Variants in NPAS3 observed in about 807,000 individuals in gnomAD.
NPAS3 encodes the protein neuronal PAS domain protein 3.
In NPAS3, 14 loss-of-function variants were observed where a neutral mutation model predicts 73.1. The ratio of observed to expected loss-of-function variants is 0.19; its 90% CI spans 0.13 to 0.30. The LOEUF (loss-of-function observed/expected upper bound fraction) is 0.30. Ranked by LOEUF, NPAS3 falls within the 10% of genes least tolerant of loss-of-function variation. The probability of loss-of-function intolerance (pLI) is 1.00; values close to 1 mark genes in which losing one functional copy is unlikely to be tolerated. For synonymous variants in NPAS3, 620 were observed against 541.5 expected (o/e 1.14, Z -2.01); for missense variants, 1,096 against 1,250.0 (o/e 0.88, Z 1.86).
intron 1 of NPAS3, among the ~76,000 whole-genome samples, chr14:33,040,198 AG>A (rs1417024108): frequency 6.6e-6 from 1 of 152,158 alleles, no homozygotes; most frequent in Non-Finnish European, 1.5e-5. Context: ...GGGAAACAGA[AG>A]TATCTTAGGA....
At chr14:33,627,563 A>G (rs1308478096) in intron 5 of NPAS3, among the ~76,000 whole-genome samples, 1 of 152,196 alleles carries the variant, frequency 6.6e-6, no homozygotes, top group Non-Finnish European at 1.5e-5. Flanking sequence ...TCTTAGAGCA[A>G]AGGCAGCCTT....
chr14:33,162,264 C>T (rs2044920794), intron 2 of NPAS3, among the ~76,000 whole-genome samples: 1 of 152,216 alleles, frequency 6.6e-6, no homozygotes, highest in Non-Finnish European at 1.5e-5. Flanking sequence ...TCCATATCTA[C>T]ATTCAACAAT....
chr14:32,941,767 G>T (rs568244316), intron 1 of NPAS3, among the ~76,000 whole-genome samples: 1 of 152,248 alleles, frequency 6.6e-6, no homozygotes, highest in East Asian at 1.9e-4. Context: ...ACAGCGGGGT[G>T]GGGGCAGGAG....
chr14:33,451,577 A>C (rs2049792715), intron 4 of NPAS3, among the ~76,000 whole-genome samples: 1 of 152,182 alleles, frequency 6.6e-6, no homozygotes, highest in African/African-American at 2.4e-5. Context: ...ACACTTTATA[A>C]GTTTTAAAAT....
intron 2 of NPAS3, among the ~76,000 whole-genome samples, chr14:33,136,295 G>A (rs896709790): frequency 2.6e-5 from 4 of 151,872 alleles, no homozygotes; most frequent in African/African-American, 4.8e-5. Context: ...TCCTGACCTC[G>A]TGATCCGCCC....
chr14:33,094,179 G>T (rs2042327245), intron 2 of NPAS3, among the ~76,000 whole-genome samples: 1 of 151,804 alleles, frequency 6.6e-6, no homozygotes, highest in Non-Finnish European at 1.5e-5. Context: ...ACACTTTTGG[G>T]GGGAAAACCA....
intron 1 of NPAS3, among the ~76,000 whole-genome samples, chr14:32,975,308 G>GTCACTCCCTTCCTCCGTCCCTCCCTT (rs1555313400): frequency 9.6e-6 from 1 of 103,998 alleles, no homozygotes; most frequent in South Asian, 2.8e-4. Context: ...CTCCCTCCCT[G>GTCACTCCCTTCCTCCGTCCCTCCCTT]CCTCCGTCAC....
At chr14:33,795,701 C>A (rs1359129490) in intron 10 of NPAS3, among the ~76,000 whole-genome samples, 1 of 152,156 alleles carries the variant, frequency 6.6e-6, no homozygotes, top group African/African-American at 2.4e-5. Flanking sequence ...TTTCTTACTG[C>A]CTCATCAGCC....
At chr14:33,511,894 G>A (rs1157341425) in intron 4 of NPAS3, among the ~76,000 whole-genome samples, 2 of 152,002 alleles carry the variant, frequency 1.3e-5, no homozygotes, top group African/African-American at 2.4e-5. Flanking sequence ...CACCTTGGAG[G>A]CCTTGTTTAA....
intron 5 of NPAS3, among the ~76,000 whole-genome samples, chr14:33,577,684 G>A (rs1234232935): frequency 6.6e-6 from 1 of 152,144 alleles, no homozygotes; most frequent in Non-Finnish European, 1.5e-5. Context: ...AAAGGGGAAG[G>A]GATAAACTGG....
intron 2 of NPAS3, among the ~76,000 whole-genome samples, chr14:33,166,110 C>G (rs910969305): frequency 7.2e-5 from 11 of 152,176 alleles, no homozygotes; most frequent in African/African-American, 1.9e-4. Context: ...GCTGTCAGAC[C>G]GGCCTCATAG....
intron 4 of NPAS3, among the ~76,000 whole-genome samples, chr14:33,462,270 C>T (rs1007278603): frequency 6.6e-6 from 1 of 152,152 alleles, no homozygotes; most frequent in Non-Finnish European, 1.5e-5. Context: ...CCTGAAGGCA[C>T]GAGACCAGCT....
chr14:32,978,201 T>TA (rs2037764229), intron 1 of NPAS3, among the ~76,000 whole-genome samples: 1 of 152,198 alleles, frequency 6.6e-6, no homozygotes, highest in Non-Finnish European at 1.5e-5. Context: ...AGTTTTTAGC[T>TA]ATGTGTATGT....
chr14:33,776,498 G>C (rs2062819470), intron 8 of NPAS3, among the ~76,000 whole-genome samples: 1 of 101,336 alleles, frequency 9.9e-6, no homozygotes, highest in African/African-American at 3.9e-5. Context: ...TCTGTGACCT[G>C]CTTTTGGCGT....
At chr14:33,793,268 TTC>T (rs2063416292) in intron 9 of NPAS3, among the ~76,000 whole-genome samples, 1 of 152,218 alleles carries the variant, frequency 6.6e-6, no homozygotes, top group Admixed American at 6.5e-5. Context: ...AGGCCAGTGT[TTC>T]TCTCTGACTC....
chr14:32,963,008 T>A (rs922774586), intron 1 of NPAS3, among the ~76,000 whole-genome samples: 1 of 152,080 alleles, frequency 6.6e-6, no homozygotes, highest in African/African-American at 2.4e-5. Context: ...TTCCTTCTAA[T>A]TCAAGATCCC....
intron 5 of NPAS3, among the ~76,000 whole-genome samples, chr14:33,671,292 C>G (rs535112227): frequency 1.9e-4 from 29 of 151,884 alleles, no homozygotes; most frequent in African/African-American, 6.6e-4. Context: ...TATGAAAAGA[C>G]AAATTAGCCC....
chr14:33,123,956 G>A (rs989957350), intron 2 of NPAS3, among the ~76,000 whole-genome samples: 3 of 150,446 alleles, frequency 2.0e-5, no homozygotes, highest in Non-Finnish European at 4.4e-5. Flanking sequence ...CCACTTCTGG[G>A]CTCAGGTTGT....
intron 2 of NPAS3, among the ~76,000 whole-genome samples, chr14:33,102,054 G>C (rs1427525320): frequency 1.3e-5 from 2 of 152,078 alleles, no homozygotes; most frequent in Non-Finnish European, 2.9e-5. Flanking sequence ...ACAGACCTCT[G>C]TTCCCACTAC....
Sources: gnomAD v4.1 joint callset for allele counts (sites outside exome capture counted in the v4.1 genomes callset) on GRCh38, gnomAD v4.1.1 for gene constraint, MANE v1.5 for transcripts, NCBI Gene and HGNC (gene_info 2026-07-23, HGNC 2026-07-21) for gene names.